The following COL8A2 variants were observed in gnomAD, a reference collection of about 807,000 sequenced individuals.
The protein encoded by COL8A2 is collagen alpha-2(VIII) chain.
A neutral mutation model predicts 24.0 loss-of-function variants in COL8A2; 16 were observed. The ratio of observed to expected loss-of-function variants is 0.67; its 90% CI spans 0.45 to 1.01. The LOEUF is 1.01. Among genes scored for constraint, COL8A2 ranks in the 50% least tolerant of loss-of-function variants. The probability of loss-of-function intolerance (pLI) is 0.00; values close to 1 mark genes in which losing one functional copy is unlikely to be tolerated. For synonymous variants in COL8A2, 466 were observed against 424.5 expected, an observed-to-expected ratio of 1.10 and a Z score of -1.20; for missense variants, 818 against 942.4, an observed-to-expected ratio of 0.87 and a Z score of 1.73.
chr1:36,116,072 A>G (rs1015267288), intron 1 of COL8A2, among the ~76,000 whole-genome samples: 1 of 146,984 alleles, frequency 6.8e-6, no homozygotes, highest in Non-Finnish European at 1.5e-5. Flanking sequence ...AAAAAAAAAA[A>G]GGAGGAACAG....
chr1:36,124,393 T>G (rs1357653728), intron 1 of COL8A2, among the ~76,000 whole-genome samples: 1 of 152,122 alleles, frequency 6.6e-6, no homozygotes, highest in African/African-American at 2.4e-5. Context: ...GAGGTTGTTC[T>G]GGGGCCCTGG....
Position 36,097,891 on chromosome 1 carries a change from G to A in COL8A2, c.1790C>T (p.Thr597Ile). The change falls in exon 4 of 4, where the codon ACT (threonine) becomes ATT (isoleucine). Residue 597 changes from threonine to isoleucine, a missense_variant. Coordinates refer to ENST00000397799, the MANE Select transcript of COL8A2 (RefSeq NM_005202.4). ...ASGMPVKFDR[T>I]LYNGHSGYNP... ...GTAGCCGCTGTGGCCATTGTAGAGAGTCCGGTCAAATTTCACGGGCATGCC... is the reference window on the plus strand; with the variant it reads ...GTAGCCGCTGTGGCCATTGTAGAGAATCCGGTCAAATTTCACGGGCATGCC... 6.2e-7 allele frequency: 1 copy of A among 1,612,460 alleles called. No individual in the cohort carries two copies. Among genetic ancestry groups the A allele is most frequent in the Non-Finnish European group, 8.5e-7 (1 of 1,179,998 alleles).
intron 2 of COL8A2, among the ~76,000 whole-genome samples, chr1:36,105,982 TAAG>T (rs148529882): frequency 4.8e-4 from 66 of 138,126 alleles, no homozygotes; most frequent in African/African-American, 1.0e-3. Context: ...GAGAGAGAGA[TAAG>T]GAGGAGGCAG....
intron 2 of COL8A2, among the ~76,000 whole-genome samples, chr1:36,104,596 A>G (rs1256663062): frequency 6.6e-6 from 1 of 152,000 alleles, no homozygotes; most frequent in Admixed American, 6.6e-5. Context: ...TCATGAGGTC[A>G]GGAGATCGAG....
chr1:36,102,911 G>A (rs907123583), intron 2 of COL8A2, among the ~76,000 whole-genome samples: 3 of 151,722 alleles, frequency 2.0e-5, no homozygotes, highest in Admixed American at 2.0e-4. Flanking sequence ...GACCTCTAGC[G>A]ATCCGCCTGC....
intron 2 of COL8A2, among the ~76,000 whole-genome samples, chr1:36,108,336 C>T (rs893516492): frequency 5.3e-5 from 8 of 152,244 alleles, no homozygotes; most frequent in African/African-American, 1.9e-4. Context: ...CGTCAAGGGT[C>T]AGGGGCTGGG....
chr1:36,110,239 T>C (rs897306076), intron 2 of COL8A2, among the ~76,000 whole-genome samples: 10 of 150,688 alleles, frequency 6.6e-5, no homozygotes, highest in African/African-American at 2.4e-4. Flanking sequence ...GCCTATTCCT[T>C]TACTGTCTTA....
At chr1:36,108,953 G>C (rs765559088) in intron 2 of COL8A2, among the ~76,000 whole-genome samples, 1 of 152,166 alleles carries the variant, frequency 6.6e-6, no homozygotes, top group Non-Finnish European at 1.5e-5. Flanking sequence ...ACAGGTGAGC[G>C]ATCAGAGGTC....
chr1:36,124,866 C>G (rs1643940578), intron 1 of COL8A2, among the ~76,000 whole-genome samples, 191 bp downstream of exon 1: 1 of 152,010 alleles, frequency 6.6e-6, no homozygotes. Flanking sequence ...GGGGAGGGAA[C>G]GGGGCACAGG....
rs1360896034 is a variant in COL8A2, at chr1:36,097,765, T to C, written c.1916A>G (p.Lys639Arg). The stretch of plus-strand genomic sequence containing the variant: ...GGTATAGGTGGCCGGCACGTTGTTC[T>C]TGTACAGGGCCACCCACACGTTGGT... ...KGTNVWVALY[K>R]NNVPATYTYD... The change falls in exon 4 of 4, where the codon AAG (lysine) becomes AGG (arginine). Residue 639 changes from lysine (K) to arginine (R), a missense_variant. Coordinates refer to ENST00000397799, the MANE Select transcript of COL8A2 (RefSeq NM_005202.4). 4.3e-6 allele frequency: 7 copies of C among 1,613,838 alleles called. No homozygotes were observed. Among genetic ancestry groups the C allele is most frequent in the Non-Finnish European group, 5.9e-6 (7 of 1,180,012 alleles).
chr1:36,111,217 C>T (rs1643836684), intron 2 of COL8A2, among the ~76,000 whole-genome samples: 2 of 152,060 alleles, frequency 1.3e-5, no homozygotes, highest in African/African-American at 2.4e-5. Flanking sequence ...CCCCAGCCAC[C>T]CTCATCACTC....
intron 2 of COL8A2, among the ~76,000 whole-genome samples, chr1:36,100,975 A>G (rs959631871): frequency 4.3e-5 from 6 of 140,452 alleles, no homozygotes; most frequent in African/African-American, 1.6e-4. Context: ...CTCACTGCAA[A>G]ATCTGCCTCC....
rs1392206671 is a variant in COL8A2 at position 36,099,360 on chromosome 1, G to A, written c.321C>T (p.Leu107=). ...GCCCAGCAGGGCCAGGCTGCCCATG[G>A]AGTCCTGGCTTTCCCATGCCTGGTT... ...PGKPGMGKPG[L]HGQPGPAGPP... Residue 107 remains leucine, a synonymous_variant, in exon 4 of 4, where the codon CTC becomes CTT. Coordinates refer to ENST00000397799, the MANE Select transcript of COL8A2 (RefSeq NM_005202.4). The A allele has an allele frequency of 1.3e-6, 2 of 1,579,300 alleles. No individual in the cohort carries two copies. The highest frequency in any genetic ancestry group is 1.7e-6 in the Non-Finnish European group (2 of 1,165,890).
rs1204851548 is a variant in COL8A2, at chr1:36,100,218, A to G, written c.25T>C (p.Ser9Pro). The G allele has an allele frequency of 6.3e-7, 1 of 1,579,026 alleles. No individual in the cohort carries two copies. Among genetic ancestry groups the G allele is most frequent in the Non-Finnish European group, 8.6e-7 (1 of 1,163,536 alleles). ...ACCAGTAGCAGCAGCAGCAGCGAAGACAGGGGTGTCAGAGTCCCCAGCATG... is the reference window on the plus strand; with the variant it reads ...ACCAGTAGCAGCAGCAGCAGCGAAGGCAGGGGTGTCAGAGTCCCCAGCATG... MLGTLTPL[S>P]SLLLLLLVLV... Residue 9 changes from serine to proline, a missense_variant, in exon 3 of 4, where the codon TCT becomes CCT. Physicochemically the swap from Ser to Pro is moderately conservative, Grantham distance 74 (BLOSUM62 -1). Around this residue, in one of 3 missense-constraint regions of COL8A2, gnomAD observed 573 missense variants for 616.8 expected, o/e 0.93. Transcript: ENST00000397799.
At chr1:36,100,887 C>CTTTTTTTTTTTTTTTT (rs139330748) in intron 2 of COL8A2, among the ~76,000 whole-genome samples, 1 of 50,160 alleles carries the variant, frequency 2.0e-5, no homozygotes, top group East Asian at 1.4e-3. Context: ...GCATTCAAGG[C>CTTTTTTTTTTTTTTTT]TTTTTTTTTT....
chr1:36,101,284 T>TC (rs1178771948), intron 2 of COL8A2, among the ~76,000 whole-genome samples: 1 of 151,970 alleles, frequency 6.6e-6, no homozygotes, highest in Non-Finnish European at 1.5e-5. Context: ...TCCCCACACC[T>TC]CCACCCAGTA....
At chr1:36,103,498 C>G (rs1334618899) in intron 2 of COL8A2, among the ~76,000 whole-genome samples, 1 of 151,898 alleles carries the variant, frequency 6.6e-6, no homozygotes, top group Non-Finnish European at 1.5e-5. Flanking sequence ...TGGTCTCGAT[C>G]TCCTGACCTC....
In COL8A2 at chr1:36,097,492, G is replaced by GTTTTTTTTCC; in HGVS notation, c.*76_*77insGGAAAAAAAA. On this transcript the variant is annotated 3_prime_UTR_variant, in exon 4 of 4. Transcript: ENST00000397799. ...TGTTCAGCTTTTGTTTTTTTTTCCAGGAGGTTCTTTGTAATTGAAAAGGTC... is the reference window on the plus strand; with the variant it reads ...TGTTCAGCTTTTGTTTTTTTTTCCAGTTTTTTTTCCGAGGTTCTTTGTAATTGAAAAGGTC... 8.2e-7 allele frequency: 1 copy of GTTTTTTTTCC among 1,224,234 alleles called. No homozygotes were observed. Among genetic ancestry groups the GTTTTTTTTCC allele is most frequent in the Non-Finnish European group, 1.2e-6 (1 of 867,130 alleles). 75.8% of individuals were successfully genotyped at this position (1,224,234 alleles called of 1,614,324 possible).
At chr1:36,114,431 C>T (rs1368628834) in intron 2 of COL8A2, among the ~76,000 whole-genome samples, 2 of 152,150 alleles carry the variant, frequency 1.3e-5, no homozygotes, top group Non-Finnish European at 2.9e-5. Flanking sequence ...GTGGAGCCCA[C>T]CACAGCCCTG....
Sources: gnomAD v4.1 joint callset for allele counts (sites outside exome capture counted in the v4.1 genomes callset) on GRCh38, gnomAD v4.1.1 for gene constraint, gnomAD v4.1.1 regional missense constraint, MANE v1.5 for transcripts, NCBI Gene and HGNC (gene_info 2026-07-23, HGNC 2026-07-21) for gene names.